The following FRMD5 variants were observed in gnomAD, a reference collection of about 807,000 sequenced individuals.
FRMD5 encodes the protein FERM domain containing 5, also known as FERM domain-containing protein 5.
Under a neutral mutation model 69.0 loss-of-function variants are expected in FRMD5, and 20 were observed. The observed-to-expected ratio is 0.29, with a 90% CI of 0.20 to 0.42. FRMD5 has a LOEUF of 0.42. Ranked by LOEUF, FRMD5 falls within the 10% of genes least tolerant of loss-of-function variation. The probability of loss-of-function intolerance (pLI) is 1.00; values close to 1 mark genes in which losing one functional copy is unlikely to be tolerated. For missense variants in FRMD5, 595 were observed against 708.6 expected (o/e 0.84, Z 1.82); for synonymous variants, 271 against 260.1 (o/e 1.04, Z -0.40).
At chr15:44,068,720 T>G (rs946426739) in intron 1 of FRMD5, among the ~76,000 whole-genome samples, 1 of 152,188 alleles carries the variant, frequency 6.6e-6, no homozygotes, top group African/African-American at 2.4e-5. Flanking sequence ...ACCCACTGAT[T>G]TGTATACTTT....
At chr15:44,152,235 C>G (rs533975979) in intron 1 of FRMD5, among the ~76,000 whole-genome samples, 19 of 152,188 alleles carry the variant, frequency 1.2e-4, no homozygotes, top group African/African-American at 4.6e-4. Flanking sequence ...ATATTTTCCC[C>G]TTTTCCAGTC....
intron 1 of FRMD5, among the ~76,000 whole-genome samples, chr15:44,150,976 C>T (rs1198949956): frequency 6.6e-6 from 1 of 151,992 alleles, no homozygotes; most frequent in Non-Finnish European, 1.5e-5. Flanking sequence ...CCTGTAGTCT[C>T]AGCTACTTGG....
intron 1 of FRMD5, among the ~76,000 whole-genome samples, chr15:44,168,339 A>G (rs1484999543): frequency 6.6e-6 from 1 of 152,156 alleles, no homozygotes; most frequent in African/African-American, 2.4e-5. Flanking sequence ...GTCAGACTAG[A>G]CTGTGACTAA....
intron 1 of FRMD5, chr15:43,990,280 T>C (rs1044113307): frequency 5.5e-5 from 17 of 308,808 alleles, no homozygotes; most frequent in African/African-American, 1.3e-4. Context: ...ACATAAGTTT[T>C]ATATGCACTG....
intron 1 of FRMD5, among the ~76,000 whole-genome samples, chr15:43,992,379 A>G (rs1182612513): frequency 2.2e-5 from 3 of 137,214 alleles, no homozygotes; most frequent in African/African-American, 8.2e-5. Flanking sequence ...GGAGTTTTAT[A>G]TTTATTTTTA....
intron 13 of FRMD5, among the ~76,000 whole-genome samples, chr15:43,882,528 T>C (rs2088558145): frequency 6.6e-6 from 1 of 151,954 alleles, no homozygotes; most frequent in South Asian, 2.1e-4. Context: ...CTGGTTAATT[T>C]TTGTATTTTT....
At chr15:43,986,770 A>T (rs1055391152) in intron 1 of FRMD5, among the ~76,000 whole-genome samples, 2 of 150,330 alleles carry the variant, frequency 1.3e-5, no homozygotes, top group Non-Finnish European at 1.5e-5. Context: ...GCTTCACTTC[A>T]TTGTGCTTTG....
At chr15:44,195,295 G>A (rs1156728464), upstream of FRMD5, 2 of 508,878 alleles carry the variant, frequency 3.9e-6, no homozygotes, top group Non-Finnish European at 6.9e-6. Context: ...CCCAGTGCCC[G>A]TGCCCAGCTC....
intron 1 of FRMD5, among the ~76,000 whole-genome samples, chr15:44,029,800 C>A (rs1016452623): frequency 3.9e-5 from 6 of 152,176 alleles, no homozygotes; most frequent in Non-Finnish European, 7.3e-5. Context: ...TGGGGTGGAG[C>A]ATACGCAATG....
At chr15:44,189,984 G>A (rs1417887736) in intron 1 of FRMD5, among the ~76,000 whole-genome samples, 1 of 152,172 alleles carries the variant, frequency 6.6e-6, no homozygotes, top group Non-Finnish European at 1.5e-5. Context: ...GAAAACCACT[G>A]AGGTGGTTGG....
rs1457112543 is a variant in FRMD5 at position 43,912,864 on chromosome 15, A to G, written c.330-2885T>C. ...GAAACCCCATCTCTACTAAAAATAC[A>G]AAAAAAAAAAAAAAAAATTAGCCAG... On this transcript the variant is annotated intron_variant, in intron 4 of 13. Coordinates refer to ENST00000417257, the MANE Select transcript of FRMD5 (RefSeq NM_032892.5). Among the ~76,000 whole-genome samples, 71 of 80,140 alleles carry G rather than the reference A, an allele frequency of 8.9e-4. 1 individual carries two copies. In the South Asian group the frequency reaches 0.023, roughly 26 times the overall value. The allele number at this position is 80,140 out of a possible 152,430, so 52.6% of individuals were successfully genotyped here.
intron 1 of FRMD5, among the ~76,000 whole-genome samples, chr15:44,148,711 T>A (rs1476719548): frequency 6.6e-6 from 1 of 152,246 alleles, no homozygotes; most frequent in Non-Finnish European, 1.5e-5. Context: ...AGTATGTACA[T>A]TTTAAAAGGC....
intron 1 of FRMD5, among the ~76,000 whole-genome samples, chr15:44,099,674 G>C (rs2076608279): frequency 6.6e-6 from 1 of 152,086 alleles, no homozygotes; most frequent in African/African-American, 2.4e-5. Flanking sequence ...TTGTTGCCAA[G>C]GGCCACCAGT....
rs1327722337 is a variant in FRMD5, at chr15:43,888,861, G to A, written c.740C>T (p.Thr247Ile). 1 of 1,613,860 alleles carries A rather than the reference G, an allele frequency of 6.2e-7. No homozygotes were observed. Among genetic ancestry groups the A allele is most frequent in the Admixed American group, 1.7e-5 (1 of 60,012 alleles). ...RVHFIKWNEV[T>I]KLKFEGKTFY... is the part of the protein sequence containing the mutation. ...AGTCTTTCCTTCAAATTTCAGCTTGGTCACCTCATTCCTAGAAGCACAAAG... is the reference window on the plus strand; with the variant it reads ...AGTCTTTCCTTCAAATTTCAGCTTGATCACCTCATTCCTAGAAGCACAAAG... The change falls in exon 9 of 14, where the codon ACC becomes ATC. Residue 247 changes from threonine (T) to isoleucine (I), a missense_variant. By Grantham distance (89) the Thr-to-Ile change is moderately conservative. Transcript: ENST00000417257.
chr15:44,167,197 T>A (rs2077724333), intron 1 of FRMD5, among the ~76,000 whole-genome samples: 1 of 151,984 alleles, frequency 6.6e-6, no homozygotes, highest in Admixed American at 6.6e-5. Flanking sequence ...TGAGACCTCG[T>A]CTCCACAAAA....
chr15:44,038,873 TC>T (rs1217790982), intron 1 of FRMD5, among the ~76,000 whole-genome samples: 1 of 152,076 alleles, frequency 6.6e-6, no homozygotes, highest in East Asian at 1.9e-4. Context: ...ACCATGAAAT[TC>T]CCTCCAGTGC....
intron 4 of FRMD5, chr15:43,919,219 C>T (rs1445413901): frequency 3.1e-6 from 2 of 650,708 alleles, no homozygotes; most frequent in Non-Finnish European, 5.8e-6. Context: ...TTGAGAGTGA[C>T]CAGTTCAAGA....
At chr15:44,045,834 G>T (rs769155602) in intron 1 of FRMD5, among the ~76,000 whole-genome samples, 3 of 152,092 alleles carry the variant, frequency 2.0e-5, no homozygotes, top group Non-Finnish European at 4.4e-5. Context: ...TTTAATATCA[G>T]GTCAAAGCAC....
At position 43,962,196 on chromosome 15, in the gene FRMD5, C is replaced by A. The variant is rs565162685; in HGVS notation, c.103-37887G>T. ...AAAATCTCCTTAAGCTGATAAGCAA[C>A]TTCAGCAAAGTCTCAGGATACAAAA... On this transcript the variant is annotated intron_variant, in intron 1 of 13. Coordinates refer to ENST00000417257, the MANE Select transcript of FRMD5 (RefSeq NM_032892.5). Among the ~76,000 whole-genome samples, 4 of 152,350 alleles carry A rather than the reference C, an allele frequency of 2.6e-5. No individual in the cohort carries two copies. The South Asian group carries it at 8.3e-4, about 32-fold the overall frequency.
Sources: allele counts gnomAD v4.1 joint callset (sites outside exome capture counted in the v4.1 genomes callset), GRCh38; gene constraint gnomAD v4.1.1; transcripts MANE v1.5; gene names NCBI Gene and HGNC (gene_info 2026-07-23, HGNC 2026-07-21).